The following AQP9 variants were observed in gnomAD, a reference collection of about 807,000 sequenced individuals.
The protein encoded by AQP9 is aquaporin-9.
In AQP9, 19 loss-of-function variants were observed where a neutral mutation model predicts 23.8. The ratio of observed to expected loss-of-function variants is 0.80; its 90% CI spans 0.56 to 1.17. The LOEUF is 1.17. AQP9 is among the 50% of genes most tolerant of loss of function. The pLI, the probability that AQP9 is intolerant of heterozygous loss-of-function variation, is 0.00. For synonymous variants in AQP9, 153 were observed against 131.5 expected (o/e 1.16, Z -1.12); for missense variants, 413 against 362.0 (o/e 1.14, Z -1.14).
intron 1 of AQP9, among the ~76,000 whole-genome samples, chr15:58,160,048 G>A (rs1898341586): frequency 1.3e-5 from 2 of 152,090 alleles, no homozygotes; most frequent in Admixed American, 1.3e-4. Context: ...TGAATCGTAT[G>A]GCAGTCCTGT....
chr15:58,140,160 G>T (rs2140579441), intron 1 of AQP9, among the ~76,000 whole-genome samples: 1 of 150,912 alleles, frequency 6.6e-6, no homozygotes, highest in Admixed American at 6.6e-5. Flanking sequence ...AATTCTTAGT[G>T]CTCTGCAGAA....
chr15:58,173,131 A>C lies in AQP9; in HGVS notation c.302A>C (p.Lys101Thr), dbSNP rs776009788. The change falls in exon 3 of 6, where the codon AAA becomes ACA. Residue 101 changes from lysine (K) to threonine (T), a missense_variant. Transcript: ENST00000219919. ...MCLFGRMKWFKLPFYVGAQFL... is the reference protein window; with the variant it reads ...MCLFGRMKWFTLPFYVGAQFL... ...CTCTTTGGACGGATGAAATGGTTCA[A>C]ATTGCCATTTTATGTGGGAGCCCAG... 1.2e-6 allele frequency: 2 copies of C among 1,614,164 alleles called. No individual in the cohort carries two copies. The highest frequency in any genetic ancestry group is 8.5e-7 in the Non-Finnish European group (1 of 1,180,014).
chr15:58,142,305 G>A (rs1259820165), intron 1 of AQP9, among the ~76,000 whole-genome samples: 1 of 152,224 alleles, frequency 6.6e-6, no homozygotes, highest in Non-Finnish European at 1.5e-5. Context: ...GCCCTTGAAT[G>A]AAAGAGCTGG....
chr15:58,150,738 G>A (rs564320114), intron 1 of AQP9: 1 of 152,158 alleles, frequency 6.6e-6, no homozygotes, highest in Non-Finnish European at 1.5e-5. Flanking sequence ...TATGAATGCG[G>A]ATTTGACTCA....
chr15:58,164,873 A>G (rs1282172866), intron 1 of AQP9, among the ~76,000 whole-genome samples: 1 of 152,170 alleles, frequency 6.6e-6, no homozygotes, highest in East Asian at 1.9e-4. Flanking sequence ...AATTCATCAC[A>G]ATAAAAAAAT....
chr15:58,173,752 T>C (rs1273087600), intron 3 of AQP9, among the ~76,000 whole-genome samples: 3 of 152,212 alleles, frequency 2.0e-5, no homozygotes, highest in South Asian at 4.1e-4. Flanking sequence ...AGTAAATACC[T>C]GTGCAACTTA....
chr15:58,159,191 C>T (rs1205348674), intron 1 of AQP9, among the ~76,000 whole-genome samples: 1 of 152,088 alleles, frequency 6.6e-6, no homozygotes. Context: ...GGTCATGGCT[C>T]AGTTGAGAAC....
At chr15:58,145,248 A>G (rs1234637239) in intron 1 of AQP9, among the ~76,000 whole-genome samples, 1 of 151,820 alleles carries the variant, frequency 6.6e-6, no homozygotes, top group Non-Finnish European at 1.5e-5. Context: ...GATGCCTGTA[A>G]TCCCTGCACT....
chr15:58,183,922 G>A, intron 5 of AQP9, 39 bp from the exon 6 acceptor site: 1 of 1,606,146 alleles, frequency 6.2e-7, no homozygotes, highest in Non-Finnish European at 8.5e-7. Context: ...CCAGGAGGAA[G>A]GCCAAGAAAT....
intron 5 of AQP9, among the ~76,000 whole-genome samples, chr15:58,183,557 A>G (rs1338216425): frequency 6.6e-6 from 1 of 152,200 alleles, no homozygotes; most frequent in Non-Finnish European, 1.5e-5. Flanking sequence ...TTGTCCTCAT[A>G]CACTAATGAT....
chr15:58,179,226 C>G lies in AQP9; in HGVS notation c.594C>G (p.Leu198=), dbSNP rs774154190. 3.8e-5 allele frequency: 61 copies of G among 1,614,052 alleles called. No individual in the cohort carries two copies. Among genetic ancestry groups the G allele is most frequent in the Non-Finnish European group, 5.1e-5 (60 of 1,180,024 alleles). The change falls in exon 5 of 6, where the codon CTC becomes CTG. Residue 198 remains leucine, a synonymous_variant. Transcript: ENST00000219919. ...GCCTAGAGCCCATTGCCATCGGCCT[C>G]CTGATTATTGTCATTGCTTCCTCCC... ...PRGLEPIAIG[L]LIIVIASSLG...
rs1400904207 is a variant in AQP9 at position 58,184,096 on chromosome 15, G to A, written c.849G>A (p.Glu283=). The A allele has an allele frequency of 2.5e-6, 4 of 1,614,056 alleles. No homozygotes were observed. The highest frequency in any genetic ancestry group is 3.4e-6 in the Non-Finnish European group (4 of 1,179,976). Residue 283 remains glutamate (E), a synonymous_variant, in exon 6 of 6, where the codon GAG becomes GAA. Transcript: ENST00000219919. ...CAGTCTTTAAGACAGAACAATCTGA[G>A]GACAAACCAGAGAAATATGAACTCA... ...PDSVFKTEQS[E]DKPEKYELSV...
intron 2 of AQP9, among the ~76,000 whole-genome samples, chr15:58,171,751 T>C (rs1490621186): frequency 6.6e-6 from 1 of 152,184 alleles, no homozygotes; most frequent in Non-Finnish European, 1.5e-5. Flanking sequence ...CATTTTGCCC[T>C]GGAGACTTGG....
At chr15:58,183,872 G>A (rs868515372) in intron 5 of AQP9, 89 bp from the exon 6 acceptor site, 51 of 1,436,024 alleles carry the variant, frequency 3.6e-5, no homozygotes, top group East Asian at 4.6e-5. Context: ...CCATGAGTGT[G>A]AGAAAGACTA....
At chr15:58,183,890 A>T in intron 5 of AQP9, 71 bp from the exon 6 acceptor site, 2 of 1,480,350 alleles carry the variant, frequency 1.4e-6, no homozygotes, top group Non-Finnish European at 1.8e-6. Context: ...CTAACAAGTG[A>T]GTGAAAAACT....
At chr15:58,182,245 T>C (rs1471112022) in intron 5 of AQP9, among the ~76,000 whole-genome samples, 1 of 152,244 alleles carries the variant, frequency 6.6e-6, no homozygotes, top group East Asian at 1.9e-4. Context: ...TTTCAAATAG[T>C]TGGCCCAAAG....
chr15:58,182,435 T>C (rs558529182), intron 5 of AQP9, among the ~76,000 whole-genome samples: 1 of 152,174 alleles, frequency 6.6e-6, no homozygotes, highest in Non-Finnish European at 1.5e-5. Context: ...TCCAATCTGA[T>C]AAAATAAAAA....
intron 1 of AQP9, among the ~76,000 whole-genome samples, chr15:58,139,142 A>T (rs1284674475): frequency 1.3e-5 from 2 of 152,204 alleles, no homozygotes; most frequent in East Asian, 1.9e-4. Context: ...CAAGTACTTG[A>T]CAAGTATTGT....
chr15:58,161,857 T>G (rs1190280043), intron 1 of AQP9, among the ~76,000 whole-genome samples: 1 of 152,188 alleles, frequency 6.6e-6, no homozygotes, highest in Non-Finnish European at 1.5e-5. Context: ...CTTTAATATA[T>G]GAGCAAGCTG....
Sources: allele counts gnomAD v4.1 joint callset (sites outside exome capture counted in the v4.1 genomes callset), GRCh38; gene constraint gnomAD v4.1.1; transcripts MANE v1.5; gene names NCBI Gene and HGNC (gene_info 2026-07-23, HGNC 2026-07-21).